STPG2: variants seen among roughly 807,000 people sequenced by gnomAD.
STPG2 encodes sperm tail PG-rich repeat containing 2.
In STPG2, 56 loss-of-function variants were observed where a neutral mutation model predicts 54.2. The ratio of observed to expected loss-of-function variants is 1.03; its 90% CI spans 0.83 to 1.29. The LOEUF is 1.29. STPG2 is among the 50% of genes most tolerant of loss of function. STPG2 has a pLI of 0.00. For synonymous variants in STPG2, 200 were observed against 181.8 expected, an observed-to-expected ratio of 1.10 and a Z score of -0.81; for missense variants, 596 against 544.9, an observed-to-expected ratio of 1.09 and a Z score of -0.93.
chr4:98,085,266 C>G (rs1738470371), intron 5 of STPG2, among the ~76,000 whole-genome samples: 1 of 152,006 alleles, frequency 6.6e-6, no homozygotes, highest in Admixed American at 6.6e-5. Context: ...GCATCTATTT[C>G]TGTACTCTCT....
intron 10 of STPG2, among the ~76,000 whole-genome samples, chr4:97,566,242 G>T (rs7693052): frequency 0.036 from 5,534 of 152,240 alleles, 318 homozygotes; most frequent in African/African-American, 0.12. Flanking sequence ...CTCCGAGCCT[G>T]GTGCGGGATA....
intron 9 of STPG2, among the ~76,000 whole-genome samples, chr4:97,769,873 A>G (rs1294488628): frequency 6.6e-6 from 1 of 152,158 alleles, no homozygotes; most frequent in Non-Finnish European, 1.5e-5. Context: ...ATAAAGTTGA[A>G]ATTCTGGAGG....
At chr4:98,079,986 C>T (rs1738293004) in intron 5 of STPG2, among the ~76,000 whole-genome samples, 2 of 151,918 alleles carry the variant, frequency 1.3e-5, no homozygotes, top group Non-Finnish European at 2.9e-5. Context: ...GTGGGTAATA[C>T]TTAAGAATCA....
At chr4:97,588,473 T>C (rs984233299) in intron 10 of STPG2, among the ~76,000 whole-genome samples, 13 of 151,932 alleles carry the variant, frequency 8.6e-5, no homozygotes, top group African/African-American at 3.1e-4. Context: ...AATGTACAAA[T>C]CAATAATAAA....
chr4:98,065,328 T>G (rs7698771), intron 5 of STPG2, among the ~76,000 whole-genome samples: 59,942 of 151,992 alleles, frequency 0.39, 12,053 homozygotes, highest in Middle Eastern at 0.46. Flanking sequence ...AATTTAAATA[T>G]TTCTTAAAAT....
intron 8 of STPG2, among the ~76,000 whole-genome samples, chr4:97,923,545 T>G (rs187794976): frequency 2.6e-5 from 4 of 152,232 alleles, no homozygotes; most frequent in African/African-American, 9.6e-5. Context: ...AATGCACCAA[T>G]TGGCACTCTG....
Position 98,022,811 on chromosome 4 carries a change from G to A in STPG2, c.613-41493C>T, listed in dbSNP as rs184565163. ...ACCCTTTCTTCCAGTTGATCGCATC[G>A]GCTCCTGAGGCTTCTGCATTCTTCA... On this transcript the variant is annotated intron_variant, in intron 5 of 10. Coordinates refer to ENST00000295268, the MANE Select transcript of STPG2 (RefSeq NM_174952.3). Among the ~76,000 whole-genome samples the A allele has an allele frequency of 1.5e-4, 23 of 152,016 alleles. No individual in the cohort carries two copies. The East Asian group carries it at 1.9e-3, about 13-fold the overall frequency.
intron 10 of STPG2, among the ~76,000 whole-genome samples, chr4:97,673,031 G>A (rs1722745468): frequency 6.6e-6 from 1 of 152,186 alleles, no homozygotes. Flanking sequence ...TGAGAGAAAG[G>A]TACATCTGTG....
At position 97,798,161 on chromosome 4, in the gene STPG2, G is replaced by GT. The variant is rs1727264569; in HGVS notation, c.1204+42611_1204+42612insA. ...CCTGGATTCATCGATTTTTTGAAGGGATTTTTGTGTCTCTATCTCTTTCAG... is the reference window on the plus strand; with the variant it reads ...CCTGGATTCATCGATTTTTTGAAGGGTATTTTTGTGTCTCTATCTCTTTCAG... On this transcript the variant is annotated intron_variant, in intron 9 of 10. Coordinates refer to ENST00000295268, the MANE Select transcript of STPG2 (RefSeq NM_174952.3). Among the ~76,000 whole-genome samples, 3 of 152,128 alleles carry GT rather than the reference G, an allele frequency of 2.0e-5. No homozygotes were observed. In the South Asian group the frequency reaches 6.2e-4, roughly 32 times the overall value.
intron 5 of STPG2, among the ~76,000 whole-genome samples, chr4:98,005,054 T>TA (rs993094721): frequency 9.3e-5 from 14 of 150,848 alleles, no homozygotes; most frequent in Non-Finnish European, 1.6e-4. Flanking sequence ...GGATAATAGC[T>TA]AAAAAAAAAT....
chr4:97,676,487 ATACACAACTATTTTTATGCTAATAC>A (rs914841048), intron 10 of STPG2, among the ~76,000 whole-genome samples: 4 of 151,590 alleles, frequency 2.6e-5, no homozygotes, highest in African/African-American at 9.7e-5. Context: ...AACCTGTGTG[ATACACAACTATTTTTATGCTAATAC>A]TACTAAAATG....
chr4:97,507,020 C>T (rs1321478329), intron 4 of STPG2, among the ~76,000 whole-genome samples: 1 of 151,730 alleles, frequency 6.6e-6, no homozygotes, highest in Non-Finnish European at 1.5e-5. Flanking sequence ...TAATAAGAGA[C>T]AAATTTTAAA....
chr4:98,128,841 C>A (rs936733303), intron 2 of STPG2, among the ~76,000 whole-genome samples: 1 of 151,948 alleles, frequency 6.6e-6, no homozygotes, highest in Non-Finnish European at 1.5e-5. Context: ...GTGATTCTCC[C>A]CTCGACCTCA....
intron 10 of STPG2, among the ~76,000 whole-genome samples, chr4:97,649,240 C>T (rs1721997512): frequency 6.6e-6 from 1 of 151,998 alleles, no homozygotes; most frequent in South Asian, 2.1e-4. Context: ...ATTATTTCAC[C>T]TTGTAGACCT....
rs112605157 is a variant in STPG2 at position 97,780,862 on chromosome 4, A to C, written c.1204+59911T>G. ...TACATAAGGAAATGAAGGCAGAAAT[A>C]AAGATGTTCTTTGAAACCAACGAGA... On this transcript the variant is annotated intron_variant, in intron 9 of 10. Transcript: ENST00000295268. Among the ~76,000 whole-genome samples, 382 of 152,218 alleles carry C rather than the reference A, an allele frequency of 2.5e-3. 1 individual carries two copies. Among genetic ancestry groups the C allele is most frequent in the African/African-American group, 7.3e-3 (304 of 41,500 alleles).
intron 10 of STPG2, among the ~76,000 whole-genome samples, chr4:97,711,358 T>G (rs1190185828): frequency 1.3e-5 from 2 of 152,104 alleles, no homozygotes; most frequent in Non-Finnish European, 2.9e-5. Context: ...CTTTGCCCAG[T>G]CCTAATCAGT....
At chr4:97,459,003 A>G (rs934520790) in intron 4 of STPG2, among the ~76,000 whole-genome samples, 1 of 152,172 alleles carries the variant, frequency 6.6e-6, no homozygotes, top group Non-Finnish European at 1.5e-5. Context: ...GAATTTGATA[A>G]TGTTTTATGG....
At chr4:97,569,961 A>G (rs940665168) in intron 10 of STPG2, among the ~76,000 whole-genome samples, 1 of 152,114 alleles carries the variant, frequency 6.6e-6, no homozygotes, top group African/African-American at 2.4e-5. Context: ...TATCCTGAAA[A>G]GTACATACAT....
At chr4:97,644,842 G>A (rs1293074344) in intron 10 of STPG2, among the ~76,000 whole-genome samples, 1 of 151,932 alleles carries the variant, frequency 6.6e-6, no homozygotes, top group Non-Finnish European at 1.5e-5. Context: ...GTCAAGATAG[G>A]TAAAGTTACC....
Sources: gnomAD v4.1 joint callset for allele counts (sites outside exome capture counted in the v4.1 genomes callset) on GRCh38, gnomAD v4.1.1 for gene constraint, MANE v1.5 for transcripts, NCBI Gene and HGNC (gene_info 2026-07-23, HGNC 2026-07-21) for gene names.